MTUS2: variants seen among roughly 807,000 people sequenced by gnomAD.
The protein encoded by MTUS2 is microtubule-associated tumor suppressor candidate 2.
MTUS2 carries 40 observed loss-of-function variants against 114.1 expected under a neutral mutation model. That is an observed-to-expected ratio of 0.35 (90% CI 0.27 to 0.46). MTUS2 has a LOEUF of 0.46. Among genes scored for constraint, MTUS2 ranks in the 20% least tolerant of loss-of-function variants. MTUS2 has a pLI of 1.00. For missense variants in MTUS2, 1,679 were observed against 1,705.4 expected (o/e 0.98, Z 0.27); for synonymous variants, 688 against 672.0 (o/e 1.02, Z -0.37).
chr13:28,944,233 A>G (rs1257291607), intron 2 of MTUS2, among the ~76,000 whole-genome samples: 3 of 152,118 alleles, frequency 2.0e-5, no homozygotes, highest in Non-Finnish European at 4.4e-5. Flanking sequence ...GAACATTTGA[A>G]TTATTGCTTT....
chr13:29,043,413 G>A (rs1400591467), intron 4 of MTUS2, among the ~76,000 whole-genome samples: 6 of 151,970 alleles, frequency 3.9e-5, no homozygotes, highest in African/African-American at 1.4e-4. Flanking sequence ...GTAGTTGTTG[G>A]GTAGAATGTT....
chr13:29,198,558 T>C (rs1334081746), intron 5 of MTUS2, among the ~76,000 whole-genome samples: 1 of 152,230 alleles, frequency 6.6e-6, no homozygotes, highest in Non-Finnish European at 1.5e-5. Context: ...CTGGGCTTTT[T>C]TTTAGTTCCA....
At chr13:29,365,554 CAGAT>C (rs1465586796) in intron 8 of MTUS2, among the ~76,000 whole-genome samples, 2 of 90,806 alleles carry the variant, frequency 2.2e-5, no homozygotes, top group African/African-American at 6.8e-5. Context: ...TTTTTGAAGG[CAGAT>C]AGGTGCCATG....
intron 5 of MTUS2, among the ~76,000 whole-genome samples, chr13:29,203,340 G>A (rs1418308968): frequency 6.6e-6 from 1 of 152,160 alleles, no homozygotes; most frequent in African/African-American, 2.4e-5. Flanking sequence ...TCAAGCCTCA[G>A]TAATGGTGGA....
intron 5 of MTUS2, among the ~76,000 whole-genome samples, chr13:29,155,968 G>C (rs1419368044): frequency 2.0e-5 from 3 of 152,050 alleles, no homozygotes; most frequent in Non-Finnish European, 4.4e-5. Flanking sequence ...TAGTTGGTCT[G>C]AATGGACAGT....
chr13:29,464,924 G>A (rs939912923), intron 9 of MTUS2, among the ~76,000 whole-genome samples: 11 of 152,218 alleles, frequency 7.2e-5, no homozygotes, highest in African/African-American at 2.2e-4. Flanking sequence ...ACGCATGCTC[G>A]AGTTTGAGAA....
chr13:28,970,552 A>G (rs565868461), intron 2 of MTUS2, among the ~76,000 whole-genome samples: 125 of 152,368 alleles, frequency 8.2e-4, no homozygotes, highest in African/African-American at 2.9e-3. Flanking sequence ...GGCTGTTCGT[A>G]GAAAAAGTTT....
chr13:29,472,094 G>A (rs4769748), intron 9 of MTUS2, among the ~76,000 whole-genome samples: 10 of 151,956 alleles, frequency 6.6e-5, no homozygotes, highest in South Asian at 2.1e-4. Context: ...GCATGATCTC[G>A]GCTCACTGTA....
intron 5 of MTUS2, among the ~76,000 whole-genome samples, chr13:29,156,980 T>C (rs1179631333): frequency 5.9e-5 from 9 of 152,194 alleles, no homozygotes; most frequent in African/African-American, 2.2e-4. Context: ...AGTCTTTAAA[T>C]ATTAGATAAA....
chr13:29,353,840 C>CT (rs1415112624), intron 7 of MTUS2, among the ~76,000 whole-genome samples: 7 of 152,320 alleles, frequency 4.6e-5, no homozygotes, highest in East Asian at 1.9e-4. Context: ...TTGGTGGACT[C>CT]TAAGTATTGT....
At chr13:28,958,848 G>A (rs1401349690) in intron 2 of MTUS2, among the ~76,000 whole-genome samples, 3 of 152,220 alleles carry the variant, frequency 2.0e-5, no homozygotes, top group Non-Finnish European at 2.9e-5. Context: ...CTGTGTTTCA[G>A]AAGGATAAGG....
intron 2 of MTUS2, among the ~76,000 whole-genome samples, chr13:28,948,032 G>A (rs779088202): frequency 7.9e-5 from 12 of 152,150 alleles, no homozygotes; most frequent in Non-Finnish European, 1.2e-4. Flanking sequence ...TTCACAGGTT[G>A]TCTTTTTCTT....
chr13:29,216,421 A>G (rs1363973614), intron 5 of MTUS2, among the ~76,000 whole-genome samples: 1 of 152,170 alleles, frequency 6.6e-6, no homozygotes, highest in Non-Finnish European at 1.5e-5. Context: ...CCACTGGGAT[A>G]CGAAAAGAAA....
chr13:29,400,429 T>G (rs1288999255), intron 8 of MTUS2, among the ~76,000 whole-genome samples: 2 of 152,228 alleles, frequency 1.3e-5, no homozygotes, highest in African/African-American at 4.8e-5. Context: ...TAAGAGCATC[T>G]CTAAGCAGCA....
chr13:28,934,798 C>G (rs903099978), intron 2 of MTUS2, among the ~76,000 whole-genome samples: 9 of 152,174 alleles, frequency 5.9e-5, no homozygotes, highest in African/African-American at 1.7e-4. Context: ...GCTGAGATTA[C>G]AGGCATTTAC....
intron 7 of MTUS2, among the ~76,000 whole-genome samples, chr13:29,356,211 C>T (rs549046406): frequency 6.6e-6 from 1 of 152,300 alleles, no homozygotes; most frequent in South Asian, 2.1e-4. Flanking sequence ...CATGGTGGCT[C>T]TTCCTGAGAA....
At chr13:29,450,053 G>C (rs1345789028) in intron 9 of MTUS2, among the ~76,000 whole-genome samples, 2 of 152,192 alleles carry the variant, frequency 1.3e-5, no homozygotes, top group East Asian at 3.9e-4. Context: ...GGTGCAGTGT[G>C]ACACTTGGTG....
chr13:29,339,328 G>A (rs1017364133), intron 7 of MTUS2, among the ~76,000 whole-genome samples: 4 of 152,286 alleles, frequency 2.6e-5, no homozygotes, highest in Middle Eastern at 3.4e-3. Context: ...GCACAAAGGC[G>A]GGGACCTCTC....
chr13:29,319,754 G>C (rs1406205261), intron 6 of MTUS2, among the ~76,000 whole-genome samples: 1 of 152,154 alleles, frequency 6.6e-6, no homozygotes, highest in East Asian at 1.9e-4. Context: ...GGCCTAGTAC[G>C]AGATGCCCGC....
Sources: allele counts gnomAD v4.1 joint callset (sites outside exome capture counted in the v4.1 genomes callset), GRCh38; gene constraint gnomAD v4.1.1; transcripts MANE v1.5; gene names NCBI Gene and HGNC (gene_info 2026-07-23, HGNC 2026-07-21).